The following DSCAML1 variants were observed in gnomAD, a reference collection of about 807,000 sequenced individuals.
DSCAML1 encodes the protein cell adhesion molecule DSCAML1.
DSCAML1 carries 38 observed loss-of-function variants against 200.5 expected under a neutral mutation model. The ratio of observed to expected loss-of-function variants is 0.19; its 90% confidence interval spans 0.15 to 0.25. DSCAML1 has a LOEUF of 0.25. Ranked by LOEUF, DSCAML1 falls within the 10% of genes least tolerant of loss-of-function variation. DSCAML1 has a pLI of 1.00. For synonymous variants in DSCAML1, 1,215 were observed against 1,165.0 expected (o/e 1.04, Z -0.87); for missense variants, 2,223 against 2,858.8 (o/e 0.78, Z 5.07).
chr11:117,433,040 C>G, intron 29 of DSCAML1, 98 bp downstream of exon 29: 1 of 1,060,172 alleles, frequency 9.4e-7, no homozygotes, highest in Non-Finnish European at 1.4e-6. Context: ...TGCCAGAACC[C>G]TGGGCACTGC....
chr11:117,779,198 G>A lies in DSCAML1; in HGVS notation c.364+1295C>T, dbSNP rs184348059. Among the ~76,000 whole-genome samples, 925 of 152,130 alleles carry A rather than the reference G, an allele frequency of 6.1e-3. 5 individuals are homozygous for A. Among genetic ancestry groups the A allele is most frequent in the Non-Finnish European group, 9.6e-3 (654 of 68,004 alleles). ...GGCCTGGCACCATTGCAGTGGGCTG[G>A]GTCTTTAAGTTGAAAAGCTCTTCTA... On this transcript the variant is annotated intron_variant, in intron 2 of 32. Transcript: ENST00000651296.
At chr11:117,557,988 T>G (rs968269042) in intron 3 of DSCAML1, among the ~76,000 whole-genome samples, 17 of 152,088 alleles carry the variant, frequency 1.1e-4, no homozygotes, top group African/African-American at 4.1e-4. Flanking sequence ...AAGCCCGGGA[T>G]AGCAACCACA....
intron 1 of DSCAML1, among the ~76,000 whole-genome samples, chr11:117,786,355 G>C (rs1018144947): frequency 6.6e-6 from 1 of 152,220 alleles, no homozygotes; most frequent in Admixed American, 6.5e-5. Flanking sequence ...CATAAAACAG[G>C]CTCCAAATTG....
At chr11:117,515,480 A>T (rs1311198043) in intron 8 of DSCAML1, among the ~76,000 whole-genome samples, 2 of 152,068 alleles carry the variant, frequency 1.3e-5, no homozygotes, top group African/African-American at 4.8e-5. Context: ...ATTGACTCAC[A>T]TGCTCATGTA....
chr11:117,778,541 A>G (rs2134049024), intron 2 of DSCAML1, among the ~76,000 whole-genome samples: 2 of 152,368 alleles, frequency 1.3e-5, no homozygotes, highest in East Asian at 3.9e-4. Flanking sequence ...CCATAAGAGC[A>G]GCGTATAAAA....
intron 3 of DSCAML1, among the ~76,000 whole-genome samples, chr11:117,585,629 G>A (rs568726251): frequency 6.6e-6 from 1 of 152,270 alleles, no homozygotes; most frequent in East Asian, 1.9e-4. Flanking sequence ...TGGTATTTAA[G>A]GGATGCCATC....
Position 117,637,587 on chromosome 11 carries a change from C to T in DSCAML1, c.512-105065G>A, listed in dbSNP as rs141903318. Among the ~76,000 whole-genome samples the T allele has an allele frequency of 3.7e-3, 567 of 152,208 alleles. 3 individuals carry two copies. The highest frequency in any genetic ancestry group is 0.025 in the South Asian group (121 of 4,800). On this transcript the variant is annotated intron_variant, in intron 3 of 32. Transcript: ENST00000651296. ...GTCTCAAACTCCTGACCTGGTGATCCGCCCATCTCGGCCTCCCAAAGTGGT... is the reference window on the plus strand; with the variant it reads ...GTCTCAAACTCCTGACCTGGTGATCTGCCCATCTCGGCCTCCCAAAGTGGT...
intron 14 of DSCAML1, among the ~76,000 whole-genome samples, chr11:117,474,977 G>T (rs990958235): frequency 1.3e-5 from 2 of 151,948 alleles, no homozygotes; most frequent in Non-Finnish European, 2.9e-5. Context: ...GGATGGTCTC[G>T]ATCTCCTGAC....
intron 3 of DSCAML1, among the ~76,000 whole-genome samples, chr11:117,680,785 G>A (rs980997044): frequency 5.3e-5 from 8 of 152,184 alleles, no homozygotes; most frequent in African/African-American, 1.2e-4. Flanking sequence ...GGGTCAAGCA[G>A]GCTCACGCCC....
At chr11:117,472,193 C>T (rs998037709) in intron 14 of DSCAML1, among the ~76,000 whole-genome samples, 157 bp from the exon 15 acceptor site, 11 of 152,194 alleles carry the variant, frequency 7.2e-5, no homozygotes, top group Admixed American at 6.5e-5. Context: ...ACTTCACAGA[C>T]GGTGCAAGGG....
At chr11:117,475,758 G>A (rs1322221820) in intron 14 of DSCAML1, among the ~76,000 whole-genome samples, 9 of 152,286 alleles carry the variant, frequency 5.9e-5, no homozygotes, top group African/African-American at 1.9e-4. Context: ...TCACAGGAAG[G>A]TTGGGCGGGG....
Position 117,508,705 on chromosome 11 carries a change from C to T in DSCAML1, c.1784-2973G>A, listed in dbSNP as rs550352752. ...AACACGAGCAAGGGGAGGGTGGAGG[C>T]AGTGATGAGGAGCTGGAGAACAGGA... On this transcript the variant is annotated intron_variant, in intron 8 of 32. Transcript: ENST00000651296. Among the ~76,000 whole-genome samples the T allele has an allele frequency of 5.9e-5, 9 of 152,104 alleles. No individual in the cohort carries two copies. The East Asian group carries it at 1.2e-3, about 20-fold the overall frequency.
rs201652502 is a variant in DSCAML1, at chr11:117,623,219, T to TTC, written c.512-90698_512-90697insGA. Among the ~76,000 whole-genome samples the TTC allele has an allele frequency of 7.1e-3, 1,000 of 140,042 alleles. 3 individuals carry two copies. The highest frequency in any genetic ancestry group is 0.01 in the Non-Finnish European group (665 of 65,954). The allele number at this position is 140,042 out of a possible 152,430, so 91.9% of individuals were successfully genotyped here. A position where few individuals can be genotyped will look rare whatever the true frequency, so the allele number is the denominator to read the frequency against. ...TTTTTCTTTTTTCTTTTCTTTTCTTTTTTTTTTTTTTTTTGAGACAGAGTT... is the reference window on the plus strand; with the variant it reads ...TTTTTCTTTTTTCTTTTCTTTTCTTTTCTTTTTTTTTTTTTTGAGACAGAGTT... On this transcript the variant is annotated intron_variant, in intron 3 of 32. Coordinates refer to ENST00000651296, the MANE Select transcript of DSCAML1 (RefSeq NM_020693.4).
chr11:117,568,448 A>G (rs1405461280), intron 3 of DSCAML1, among the ~76,000 whole-genome samples: 2 of 152,240 alleles, frequency 1.3e-5, no homozygotes, highest in African/African-American at 4.8e-5. Context: ...CTGTTTGCAG[A>G]TGACATGATT....
chr11:117,696,197 A>G (rs2053585329), intron 3 of DSCAML1, among the ~76,000 whole-genome samples: 1 of 152,218 alleles, frequency 6.6e-6, no homozygotes, highest in African/African-American at 2.4e-5. Flanking sequence ...CGCACGGGGT[A>G]CAGCTGCCTC....
At chr11:117,726,476 G>A (rs1393143504) in intron 3 of DSCAML1, among the ~76,000 whole-genome samples, 2 of 152,110 alleles carry the variant, frequency 1.3e-5, no homozygotes, top group Non-Finnish European at 2.9e-5. Context: ...TATAAGGTCA[G>A]TGGGTAACTC....
intron 14 of DSCAML1, among the ~76,000 whole-genome samples, chr11:117,474,847 C>T (rs1164073296): frequency 3.3e-5 from 5 of 151,942 alleles, no homozygotes; most frequent in African/African-American, 4.8e-5. Flanking sequence ...CTCCGCCTCC[C>T]GGGTTCGTGC....
chr11:117,456,671 C>CTTTT (rs10661996), intron 19 of DSCAML1, among the ~76,000 whole-genome samples: 18 of 142,130 alleles, frequency 1.3e-4, no homozygotes, highest in Non-Finnish European at 1.5e-4. Flanking sequence ...GCAGTCATTT[C>CTTTT]TTTTTTTTTT....
At chr11:117,558,672 G>T (rs565204568) in intron 3 of DSCAML1, among the ~76,000 whole-genome samples, 4 of 152,190 alleles carry the variant, frequency 2.6e-5, no homozygotes, top group Non-Finnish European at 5.9e-5. Flanking sequence ...TTTTTATTTG[G>T]CTGGGAGCAT....
Sources: gnomAD v4.1 joint callset for allele counts (sites outside exome capture counted in the v4.1 genomes callset) on GRCh38, gnomAD v4.1.1 for gene constraint, MANE v1.5 for transcripts, NCBI Gene and HGNC (gene_info 2026-07-23, HGNC 2026-07-21) for gene names.